Variants in DAB2IP observed in about 807,000 individuals in gnomAD.
The protein encoded by DAB2IP is disabled homolog 2-interacting protein.
A neutral mutation model predicts 107.2 loss-of-function variants in DAB2IP; 28 were observed. The ratio of observed to expected loss-of-function variants is 0.26; its 90% CI spans 0.19 to 0.36. The LOEUF is 0.36. Ranked by LOEUF, DAB2IP falls within the 10% of genes least tolerant of loss-of-function variation. DAB2IP has a pLI of 1.00. For missense variants in DAB2IP, 1,400 were observed against 1,644.7 expected (o/e 0.85, Z 2.57); for synonymous variants, 755 against 706.4 (o/e 1.07, Z -1.09).
chr9:121,763,538 G>C, exon 7 of DAB2IP: 5 of 1,613,820 alleles, frequency 3.1e-6, no homozygotes, highest in Non-Finnish European at 4.2e-6. Flanking sequence ...GTCAGAGGTG[G>C]ACCGCTGCGG....
At chr9:121,641,562 G>T (rs1832286736) in intron 1 of DAB2IP, among the ~76,000 whole-genome samples, 1 of 152,210 alleles carries the variant, frequency 6.6e-6, no homozygotes. Flanking sequence ...TTGTTCAAAG[G>T]CACACAGCAA....
exon 12 of DAB2IP, chr9:121,773,481 G>A (rs1297212215): frequency 1.3e-6 from 2 of 1,512,496 alleles, no homozygotes; most frequent in Non-Finnish European, 1.8e-6. Context: ...GAAGCCACGG[G>A]CAGTGCACAA....
intron 3 of DAB2IP, chr9:121,737,518 G>A (rs1399080870): frequency 1.0e-6 from 1 of 985,318 alleles, no homozygotes; most frequent in Non-Finnish European, 1.2e-6. Flanking sequence ...AGCTGCCTGG[G>A]TGAGCACCAC....
chr9:121,686,189 C>G (rs1377770554), intron 2 of DAB2IP, among the ~76,000 whole-genome samples: 6 of 152,164 alleles, frequency 3.9e-5, no homozygotes, highest in African/African-American at 1.4e-4. Flanking sequence ...GTTCCAACCC[C>G]CCCAACATCT....
chr9:121,583,163 G>C (rs1830239049), intron 1 of DAB2IP, among the ~76,000 whole-genome samples: 2 of 152,220 alleles, frequency 1.3e-5, no homozygotes, highest in Non-Finnish European at 2.9e-5. Context: ...AAGGTGGGTG[G>C]ATCACTTAAG....
intron 14 of DAB2IP, among the ~76,000 whole-genome samples, chr9:121,778,678 T>C (rs570391805): frequency 6.6e-6 from 1 of 152,328 alleles, no homozygotes; most frequent in East Asian, 1.9e-4. Flanking sequence ...ATTTTAGGCT[T>C]TGTAGGCCAT....
intron 2 of DAB2IP, among the ~76,000 whole-genome samples, chr9:121,683,384 C>T (rs1215049902): frequency 1.3e-5 from 2 of 152,222 alleles, no homozygotes; most frequent in African/African-American, 2.4e-5. Flanking sequence ...CTCCCTCCTT[C>T]CTCTGCCCCC....
Position 121,699,541 on chromosome 9 carries a change from G to A in DAB2IP, c.362+83G>A, listed in dbSNP as rs948923527. The A allele has an allele frequency of 5.2e-5, 59 of 1,133,132 alleles. No homozygotes were observed. The highest frequency in any genetic ancestry group is 6.3e-5 in the Non-Finnish European group (58 of 920,182). 70.2% of individuals were successfully genotyped at this position (1,133,132 alleles called of 1,614,324 possible). On this transcript the variant is annotated intron_variant, in intron 3 of 15. Transcript: ENST00000408936. The surrounding 1 kb of genome is among the most constrained non-coding windows in gnomAD (Gnocchi z 6.2). Reference sequence around the variant, plus strand: ...GGACGCGGGGACAAAGCGCGAGCCCGGCCCGGGGCGAGCCACACGGCGGTG... The same window carrying A: ...GGACGCGGGGACAAAGCGCGAGCCCAGCCCGGGGCGAGCCACACGGCGGTG...
chr9:121,582,322 A>G (rs1830216306), intron 1 of DAB2IP, among the ~76,000 whole-genome samples: 1 of 152,026 alleles, frequency 6.6e-6, no homozygotes, highest in South Asian at 2.1e-4. Context: ...GGGTGGGATG[A>G]GCAGCCGGCA....
chr9:121,774,372 A>T, exon 13 of DAB2IP: 1 of 1,612,734 alleles, frequency 6.2e-7, no homozygotes, highest in Non-Finnish European at 8.5e-7. Context: ...CCCCACAGGG[A>T]TAGGCTAAGG....
chr9:121,604,615 C>T, intron 1 of DAB2IP, among the ~76,000 whole-genome samples: 1 of 152,314 alleles, frequency 6.6e-6, no homozygotes, highest in East Asian at 1.9e-4. Flanking sequence ...TGCCCAAATT[C>T]TTCCTGCCCC....
At chr9:121,770,892 A>T (rs1834673845) in intron 11 of DAB2IP, among the ~76,000 whole-genome samples, 168 bp downstream of exon 11, 1 of 152,170 alleles carries the variant, frequency 6.6e-6, no homozygotes. Flanking sequence ...TTTGGGAAAA[A>T]TCAGGGAAGC....
intron 1 of DAB2IP, among the ~76,000 whole-genome samples, chr9:121,606,236 T>C (rs1338544173): frequency 6.6e-6 from 1 of 152,016 alleles, no homozygotes; most frequent in Non-Finnish European, 1.5e-5. Context: ...TGGTGGTGCA[T>C]GCCTGTAATC....
intron 3 of DAB2IP, among the ~76,000 whole-genome samples, chr9:121,720,172 C>T (rs756843051): frequency 9.8e-5 from 15 of 152,308 alleles, no homozygotes; most frequent in East Asian, 9.7e-4. Context: ...CCCCTCACCC[C>T]GTGTCTGGGT....
chr9:121,707,871 C>G (rs571914261), intron 3 of DAB2IP, among the ~76,000 whole-genome samples: 110 of 152,336 alleles, frequency 7.2e-4, no homozygotes, highest in African/African-American at 2.5e-3. Flanking sequence ...CCCACCCCCT[C>G]TGCTTCTTAC....
chr9:121,768,785 C>T (rs962671384), intron 10 of DAB2IP, 152 bp downstream of exon 10: 5 of 979,988 alleles, frequency 5.1e-6, no homozygotes, highest in Non-Finnish European at 7.4e-6. Flanking sequence ...TCTGTGGGCC[C>T]CATTTTCTCT....
At chr9:121,737,223 G>A in intron 3 of DAB2IP, 5 of 985,418 alleles carry the variant, frequency 5.1e-6, no homozygotes, top group Non-Finnish European at 6.0e-6. Context: ...AGGGCGACTT[G>A]CCATGGCTGG....
chr9:121,722,845 G>A (rs1419446975), intron 3 of DAB2IP, among the ~76,000 whole-genome samples: 1 of 152,136 alleles, frequency 6.6e-6, no homozygotes, highest in Non-Finnish European at 1.5e-5. Flanking sequence ...CAAGTATAGA[G>A]TACCAAATTC....
intron 14 of DAB2IP, among the ~76,000 whole-genome samples, chr9:121,780,422 C>A (rs540031043): frequency 6.6e-6 from 1 of 152,142 alleles, no homozygotes; most frequent in Non-Finnish European, 1.5e-5. Flanking sequence ...GAACCGGCCC[C>A]GGCACAGTGG....
Sources: gnomAD v4.1 joint callset for allele counts (sites outside exome capture counted in the v4.1 genomes callset) on GRCh38, gnomAD v4.1.1 for gene constraint, Gnocchi (gnomAD v3.1) non-coding constraint, MANE v1.5 for transcripts, NCBI Gene and HGNC (gene_info 2026-07-23, HGNC 2026-07-21) for gene names.